Variants in ADCY2 observed in about 807,000 individuals in gnomAD.
ADCY2 encodes the protein adenylate cyclase 2, also known as adenylate cyclase type 2.
Under a neutral mutation model 125.2 loss-of-function variants are expected in ADCY2, and 31 were observed. The ratio of observed to expected loss-of-function variants is 0.25; its 90% CI spans 0.19 to 0.33. The LOEUF (loss-of-function observed/expected upper bound fraction) is 0.33, where lower values mean the gene tolerates loss of function less well. Among genes scored for constraint, ADCY2 ranks in the 10% least tolerant of loss-of-function variants. The pLI, the probability that ADCY2 is intolerant of heterozygous loss-of-function variation, is 1.00. For synonymous variants in ADCY2, 512 were observed against 548.4 expected (o/e 0.93, Z 0.93); for missense variants, 904 against 1,418.2 (o/e 0.64, Z 5.82).
intron 18 of ADCY2, among the ~76,000 whole-genome samples, chr5:7,777,071 A>G (rs190421245): frequency 6.6e-6 from 1 of 151,928 alleles, no homozygotes; most frequent in East Asian, 1.9e-4. Context: ...ATATATATAT[A>G]CATCCTATTA....
At chr5:7,437,058 T>C (rs1331530777) in intron 2 of ADCY2, among the ~76,000 whole-genome samples, 1 of 152,148 alleles carries the variant, frequency 6.6e-6, no homozygotes, top group Non-Finnish European at 1.5e-5. Flanking sequence ...AGGCACCAGC[T>C]GTGGGGCCCG....
At chr5:7,810,894 A>G (rs1744920000) in intron 22 of ADCY2, among the ~76,000 whole-genome samples, 2 of 152,170 alleles carry the variant, frequency 1.3e-5, no homozygotes, top group African/African-American at 2.4e-5. Flanking sequence ...AAGATTAGAG[A>G]TAACTCTGGT....
At chr5:7,522,962 C>A (rs1217415968) in intron 3 of ADCY2, among the ~76,000 whole-genome samples, 3 of 151,652 alleles carry the variant, frequency 2.0e-5, no homozygotes, top group Non-Finnish European at 4.4e-5. Flanking sequence ...AATGAGAAAA[C>A]AATTTGCTCA....
chr5:7,667,910 G>C (rs566230839), intron 4 of ADCY2, among the ~76,000 whole-genome samples: 1 of 152,128 alleles, frequency 6.6e-6, no homozygotes, highest in Non-Finnish European at 1.5e-5. Flanking sequence ...TGTAGAACAA[G>C]GACTTCTTCT....
chr5:7,701,842 T>C lies in ADCY2; in HGVS notation c.1109+3468T>C, dbSNP rs537712370. Among the ~76,000 whole-genome samples, 20 of 152,350 alleles carry C rather than the reference T, an allele frequency of 1.3e-4. 1 individual carries two copies. In the South Asian group the frequency reaches 3.3e-3, roughly 25 times the overall value. On this transcript the variant is annotated intron_variant, in intron 7 of 24. Coordinates refer to ENST00000338316, the MANE Select transcript of ADCY2 (RefSeq NM_020546.3). ...TGTTAGCACCTTTTGATGCTTTTAG[T>C]GTAATATTCCCCCGTAGGTATATAC...
intron 15 of ADCY2, among the ~76,000 whole-genome samples, chr5:7,747,431 G>A (rs1742662251): frequency 1.3e-5 from 2 of 152,088 alleles, no homozygotes; most frequent in African/African-American, 2.4e-5. Context: ...TCCGGCTCTG[G>A]TTAGCACTCC....
intron 10 of ADCY2, 82 bp from the exon 11 acceptor site, chr5:7,712,774 G>A: frequency 1.0e-6 from 1 of 963,720 alleles, no homozygotes; most frequent in Non-Finnish European, 1.7e-6. Flanking sequence ...GATAAAAGAG[G>A]AAATATGTTT....
chr5:7,587,051 AG>A (rs1736651695), intron 3 of ADCY2, among the ~76,000 whole-genome samples: 1 of 152,180 alleles, frequency 6.6e-6, no homozygotes, highest in Non-Finnish European at 1.5e-5. Flanking sequence ...ACAGGTGAAC[AG>A]TTTGAGGCTC....
intron 3 of ADCY2, among the ~76,000 whole-genome samples, chr5:7,565,038 A>G (rs1352661858): frequency 6.6e-6 from 1 of 152,238 alleles, no homozygotes; most frequent in African/African-American, 2.4e-5. Context: ...CTTAACAAAT[A>G]GAAATGCTGA....
chr5:7,766,788 G>A lies in ADCY2; in HGVS notation c.2196G>A (p.Gln732=), dbSNP rs2126473913. Residue 732 remains glutamine (Q), a synonymous_variant, in exon 17 of 25, where the codon CAG becomes CAA. Transcript: ENST00000338316. ...SNNQVAILRA[Q]NLFFLPYFIY... ...ATCAGGTGGCGATTCTGCGTGCGCA[G>A]AATTTATTTTTCCTCCCGGTAAGAA... The A allele has an allele frequency of 6.2e-7, 1 of 1,609,274 alleles. No individual in the cohort carries two copies. Among genetic ancestry groups the A allele is most frequent in the Non-Finnish European group, 8.5e-7 (1 of 1,178,950 alleles).
chr5:7,551,448 G>A (rs1176168532), intron 3 of ADCY2, among the ~76,000 whole-genome samples: 1 of 152,168 alleles, frequency 6.6e-6, no homozygotes, highest in Non-Finnish European at 1.5e-5. Context: ...GTCAAGATCA[G>A]TGTTCTTATT....
chr5:7,430,332 G>A (rs988793373), intron 2 of ADCY2, among the ~76,000 whole-genome samples: 1 of 151,776 alleles, frequency 6.6e-6, no homozygotes, highest in Admixed American at 6.6e-5. Context: ...AGAACAGGAA[G>A]CATTTCCCAA....
Position 7,396,611 on chromosome 5 carries a change from AGCCCCTC to A in ADCY2, c.210+107_210+113del. 1.7e-6 allele frequency: 1 copy of A among 591,294 alleles called. No homozygotes were observed. The allele number at this position is 591,294 out of a possible 1,614,324, so 36.6% of individuals were successfully genotyped here. A position where few individuals can be genotyped will look rare whatever the true frequency, so the allele number is the denominator to read the frequency against. On this transcript the variant is annotated intron_variant, in intron 1 of 24. Coordinates refer to ENST00000338316, the MANE Select transcript of ADCY2 (RefSeq NM_020546.3). The surrounding 1 kb of genome is among the most constrained non-coding windows in gnomAD (Gnocchi z 5.7). ...TCCGGGCTGCCCCTCGGCCCGCGGC[AGCCCCTC>A]GGCCCGCGGCAGCCCCTCGGCCCGC...
chr5:7,697,920 C>G (rs746394572), intron 6 of ADCY2, among the ~76,000 whole-genome samples: 1 of 152,132 alleles, frequency 6.6e-6, no homozygotes, highest in Non-Finnish European at 1.5e-5. Flanking sequence ...TTTATTTCAC[C>G]CTTAATGTTT....
At chr5:7,824,600 C>T (rs1745408896) in intron 24 of ADCY2, among the ~76,000 whole-genome samples, 1 of 152,222 alleles carries the variant, frequency 6.6e-6, no homozygotes, top group Admixed American at 6.5e-5. Flanking sequence ...CTGCCCTCCT[C>T]CCAGGACTTG....
chr5:7,589,316 T>G (rs567473088), intron 3 of ADCY2, among the ~76,000 whole-genome samples: 1 of 150,878 alleles, frequency 6.6e-6, no homozygotes, highest in Non-Finnish European at 1.5e-5. Flanking sequence ...TCCAATTTTG[T>G]TTTTACAAAA....
intron 3 of ADCY2, 80 bp from the exon 4 acceptor site, chr5:7,626,087 T>C: frequency 6.8e-7 from 1 of 1,463,618 alleles, no homozygotes. Context: ...TGAAGACTGT[T>C]GCTAATGTGC....
At chr5:7,400,375 C>T (rs929454153) in intron 1 of ADCY2, among the ~76,000 whole-genome samples, 14 of 152,006 alleles carry the variant, frequency 9.2e-5, no homozygotes, top group African/African-American at 3.4e-4. Flanking sequence ...AAAACAATAA[C>T]CAGAGGTATT....
intron 3 of ADCY2, among the ~76,000 whole-genome samples, chr5:7,540,572 A>G (rs1451941993): frequency 2.6e-5 from 4 of 152,204 alleles, no homozygotes. Flanking sequence ...GTGTCTGGGC[A>G]ATTTAGGCAC....
Sources: allele counts gnomAD v4.1 joint callset (sites outside exome capture counted in the v4.1 genomes callset), GRCh38; gene constraint gnomAD v4.1.1; non-coding constraint Gnocchi (gnomAD v3.1); transcripts MANE v1.5; gene names NCBI Gene and HGNC (gene_info 2026-07-23, HGNC 2026-07-21).